Variants in CCDC28A observed in about 807,000 individuals in gnomAD.
CCDC28A encodes the protein coiled-coil domain containing 28A.
A neutral mutation model predicts 22.1 loss-of-function variants in CCDC28A; 24 were observed. The observed-to-expected ratio is 1.09, with a 90% CI of 0.79 to 1.53. The LOEUF (loss-of-function observed/expected upper bound fraction) is 1.53. Ranked by LOEUF, CCDC28A falls within the 40% of genes most tolerant of loss-of-function variation. CCDC28A has a pLI of 0.00. For missense variants in CCDC28A, 170 were observed against 210.7 expected, an observed-to-expected ratio of 0.81 and a Z score of 1.20; for synonymous variants, 83 against 74.7, an observed-to-expected ratio of 1.11 and a Z score of -0.57.
Position 138,792,855 on chromosome 6 carries a change from C to T in CCDC28A, c.*52C>T, listed in dbSNP as rs1165437950. 2 of 1,219,912 alleles carry T rather than the reference C, an allele frequency of 1.6e-6. No individual in the cohort carries two copies. Among genetic ancestry groups the T allele is most frequent in the South Asian group, 1.3e-5 (1 of 79,356 alleles). 75.6% of individuals were successfully genotyped at this position (1,219,912 alleles called of 1,614,324 possible). ...ATTTGAAGAGAAGCAGCAGTCTTTA[C>T]TTTTCCAGCCAAATCCAGTAGCAGA... On this transcript the variant is annotated 3_prime_UTR_variant, in exon 6 of 6. Coordinates refer to ENST00000617445, the MANE Select transcript of CCDC28A (RefSeq NM_015439.3).
At chr6:138,787,426 A>C (rs750297972) in intron 4 of CCDC28A, among the ~76,000 whole-genome samples, 32 of 152,244 alleles carry the variant, frequency 2.1e-4, no homozygotes, top group Admixed American at 1.6e-3. Context: ...ATAAGAGGTA[A>C]ATTTCTATTG....
chr6:138,792,624 G>A, intron 5 of CCDC28A, 125 bp from the exon 6 acceptor site: 1 of 679,008 alleles, frequency 1.5e-6, no homozygotes, highest in Non-Finnish European at 2.6e-6. Flanking sequence ...AGCAACACAA[G>A]AGCTTTTCCT....
At position 138,776,184 on chromosome 6, in the gene CCDC28A, G is replaced by A. The variant is rs748712875; in HGVS notation, c.64G>A (p.Val22Ile). ...TTTTAGTGCCCACTGTACTCAGGTT[G>A]TCAATGCCAAAAAAAATGCCATTCC... Reference protein sequence around the residue: ...KSFSAHCTQVVNAKKNAIPVS... With the variant: ...KSFSAHCTQVINAKKNAIPVS... The change falls in exon 2 of 6, where the codon GTC becomes ATC. Residue 22 changes from valine (V) to isoleucine (I), a missense_variant. Transcript: ENST00000617445. 1.5e-5 allele frequency: 24 copies of A among 1,613,868 alleles called. No individual in the cohort carries two copies. Among genetic ancestry groups the A allele is most frequent in the Non-Finnish European group, 2.0e-5 (24 of 1,179,920 alleles).
chr6:138,792,762 T>C lies in CCDC28A; in HGVS notation c.514T>C (p.Leu172=). 2 of 1,606,768 alleles carry C rather than the reference T, an allele frequency of 1.2e-6. No individual in the cohort carries two copies. The highest frequency in any genetic ancestry group is 1.7e-6 in the Non-Finnish European group (2 of 1,175,926). The change falls in exon 6 of 6, where the codon TTG becomes CTG. Residue 172 remains leucine, a synonymous_variant. Coordinates refer to ENST00000617445, the MANE Select transcript of CCDC28A (RefSeq NM_015439.3). ...ELNSSIQKLH[L]ADAQDVPNTS... ...TGATTAATTCAGACAAAAACTCCAT[T>C]TGGCAGATGCACAAGATGTTCCAAA... is the stretch of plus-strand genomic sequence containing the variant.
At chr6:138,788,207 C>T (rs1475193025) in intron 4 of CCDC28A, among the ~76,000 whole-genome samples, 159 bp from the exon 5 acceptor site, 3 of 152,008 alleles carry the variant, frequency 2.0e-5, no homozygotes, top group Non-Finnish European at 4.4e-5. Flanking sequence ...GCAGTTCTCC[C>T]GCCTTGGCAT....
At position 138,773,905 on chromosome 6, in the gene CCDC28A, A is replaced by G. The variant is rs551332391; in HGVS notation, c.-43+3A>G. 3.1e-6 allele frequency: 5 copies of G among 1,612,104 alleles called. No homozygotes were observed. Among genetic ancestry groups the G allele is most frequent in the African/African-American group, 1.3e-5 (1 of 74,824 alleles). ...GCCCCAATACCCTTCTTCTTCAGGT[A>G]TGTAGTGGAAGCAAAGGAACCTCCG... On this transcript the variant is annotated splice_donor_region_variant and intron_variant, in intron 1 of 5. Coordinates refer to ENST00000617445, the MANE Select transcript of CCDC28A (RefSeq NM_015439.3).
Position 138,793,035 on chromosome 6 carries a change from T to A in CCDC28A, c.*232T>A, listed in dbSNP as rs1239624797. On this transcript the variant is annotated 3_prime_UTR_variant, in exon 6 of 6. Coordinates refer to ENST00000617445, the MANE Select transcript of CCDC28A (RefSeq NM_015439.3). Reference sequence around the variant, plus strand: ...TCATCAGGAAATGTGACGCAGAGATTGTGCTGCTGTGCTTCATATTGTTGC... The same window carrying A: ...TCATCAGGAAATGTGACGCAGAGATAGTGCTGCTGTGCTTCATATTGTTGC... 4.0e-6 allele frequency: 2 copies of A among 498,504 alleles called. No homozygotes were observed. Among genetic ancestry groups the A allele is most frequent in the African/African-American group, 3.9e-5 (2 of 51,378 alleles). The allele number at this position is 498,504 out of a possible 1,614,324, so 30.9% of individuals were successfully genotyped here. A position where few individuals can be genotyped will look rare whatever the true frequency, so the allele number is the denominator to read the frequency against.
Position 138,776,093 on chromosome 6 carries a change from G to A in CCDC28A, c.-28G>A. ...TCCTTATTTAGGTCTTAAGAAGCTGGCCGTGGTGCAATAAGGAACTTAAAA... is the reference window on the plus strand; with the variant it reads ...TCCTTATTTAGGTCTTAAGAAGCTGACCGTGGTGCAATAAGGAACTTAAAA... On this transcript the variant is annotated 5_prime_UTR_variant, in exon 2 of 6. Transcript: ENST00000617445. 1 of 1,613,794 alleles carries A rather than the reference G, an allele frequency of 6.2e-7. No individual in the cohort carries two copies. The highest frequency in any genetic ancestry group is 8.5e-7 in the Non-Finnish European group (1 of 1,179,772).
At chr6:138,780,070 A>G (rs1419350596) in intron 3 of CCDC28A, 85 bp downstream of exon 3, 2 of 990,928 alleles carry the variant, frequency 2.0e-6, no homozygotes, top group Non-Finnish European at 2.8e-6. Context: ...TTCTTTTCAA[A>G]GTGCCAGTTT....
intron 1 of CCDC28A, among the ~76,000 whole-genome samples, chr6:138,774,513 A>G (rs111323133): frequency 1.8e-3 from 279 of 152,364 alleles, no homozygotes; most frequent in African/African-American, 6.1e-3. Context: ...TTGTTAGCCA[A>G]GGTTTAAGTG....
chr6:138,782,922 T>C (rs1372317476), intron 3 of CCDC28A, among the ~76,000 whole-genome samples: 1 of 152,152 alleles, frequency 6.6e-6, no homozygotes, highest in Non-Finnish European at 1.5e-5. Context: ...ACCTGTATAG[T>C]ACCTTTAGGA....
At position 138,779,824 on chromosome 6, in the gene CCDC28A, T is replaced by C. The variant is rs1214304182; in HGVS notation, c.161T>C (p.Val54Ala). The C allele has an allele frequency of 1.2e-6, 2 of 1,609,116 alleles. No individual in the cohort carries two copies. Among genetic ancestry groups the C allele is most frequent in the East Asian group, 2.2e-5 (1 of 44,698 alleles). ...STSQRPKLKRVMKEKTKPQGG... is the reference protein window; with the variant it reads ...STSQRPKLKRAMKEKTKPQGG... Reference sequence around the variant, plus strand: ...CCTAAATTTCATCGTCTTTACAGAGTGATGAAAGAAAAGACCAAACCTCAG... The same window carrying C: ...CCTAAATTTCATCGTCTTTACAGAGCGATGAAAGAAAAGACCAAACCTCAG... The change falls in exon 3 of 6, where the codon GTG becomes GCG. Residue 54 changes from valine to alanine, a missense_variant and splice_region_variant. By Grantham distance (64) the Val-to-Ala change is moderately conservative. Transcript: ENST00000617445.
chr6:138,776,200 A>G lies in CCDC28A; in HGVS notation c.80A>G (p.Asn27Ser), dbSNP rs776078449. Reference protein sequence around the residue: ...HCTQVVNAKKNAIPVSKSTGF... With the variant: ...HCTQVVNAKKSAIPVSKSTGF... Reference sequence around the variant, plus strand: ...ACTCAGGTTGTCAATGCCAAAAAAAATGCCATTCCAGTGAGTAAAAGCACA... The same window carrying G: ...ACTCAGGTTGTCAATGCCAAAAAAAGTGCCATTCCAGTGAGTAAAAGCACA... The change falls in exon 2 of 6, where the codon AAT (asparagine) becomes AGT (serine). Residue 27 changes from asparagine to serine, a missense_variant. Asn to Ser is a conservative substitution (Grantham distance 46). Transcript: ENST00000617445. The G allele has an allele frequency of 6.2e-7, 1 of 1,614,072 alleles. No homozygotes were observed. The highest frequency in any genetic ancestry group is 1.1e-5 in the South Asian group (1 of 91,084).
intron 4 of CCDC28A, among the ~76,000 whole-genome samples, chr6:138,787,314 G>A (rs550168998): frequency 3.2e-4 from 49 of 152,216 alleles, no homozygotes; most frequent in Non-Finnish European, 3.1e-4. Context: ...TGAGGACATG[G>A]GGAGAAAGCC....
At position 138,776,143 on chromosome 6, in the gene CCDC28A, G is replaced by A. The variant is rs1309810606; in HGVS notation, c.23G>A (p.Arg8Lys). The A allele has an allele frequency of 1.2e-6, 2 of 1,614,062 alleles. No homozygotes were observed. Among genetic ancestry groups the A allele is most frequent in the Non-Finnish European group, 8.5e-7 (1 of 1,179,982 alleles). Residue 8 changes from arginine to lysine, a missense_variant, in exon 2 of 6, where the codon AGG becomes AAG. By Grantham distance (26) the Arg-to-Lys change is conservative (BLOSUM62 2). Coordinates refer to ENST00000617445, the MANE Select transcript of CCDC28A (RefSeq NM_015439.3). Reference protein sequence around the residue: MEERKVKRRSPKSFSAHC... With the variant: MEERKVKKRSPKSFSAHC... ...ACAATGGAAGAGCGGAAAGTGAAGA[G>A]GAGGAGTCCTAAGTCTTTTAGTGCC... is the stretch of plus-strand genomic sequence containing the variant.
intron 3 of CCDC28A, among the ~76,000 whole-genome samples, chr6:138,783,840 G>A (rs1007630409): frequency 3.3e-5 from 5 of 149,662 alleles, no homozygotes; most frequent in African/African-American, 1.2e-4. Context: ...AGTGTGTTAA[G>A]ATTACAGGCG....
chr6:138,775,722 A>G (rs1291429937), intron 1 of CCDC28A, among the ~76,000 whole-genome samples: 1 of 152,192 alleles, frequency 6.6e-6, no homozygotes, highest in Non-Finnish European at 1.5e-5. Flanking sequence ...TATTGTTTAT[A>G]TGTTGTTCCC....
intron 3 of CCDC28A, among the ~76,000 whole-genome samples, chr6:138,784,229 C>T (rs1170652486): frequency 6.6e-6 from 1 of 152,040 alleles, no homozygotes; most frequent in African/African-American, 2.4e-5. Context: ...TTGGGTCACT[C>T]AGTTAAAATG....
chr6:138,780,066 T>A (rs1163666849), intron 3 of CCDC28A, 81 bp downstream of exon 3: 3 of 1,020,678 alleles, frequency 2.9e-6, no homozygotes, highest in Non-Finnish European at 4.1e-6. Flanking sequence ...ACTCTTCTTT[T>A]CAAAGTGCCA....
Sources: allele counts gnomAD v4.1 joint callset (sites outside exome capture counted in the v4.1 genomes callset), GRCh38; gene constraint gnomAD v4.1.1; transcripts MANE v1.5; gene names NCBI Gene and HGNC (gene_info 2026-07-23, HGNC 2026-07-21).